The following GRID2 variants were observed in gnomAD, a reference collection of about 807,000 sequenced individuals.
GRID2 encodes the protein glutamate ionotropic receptor delta type subunit 2, also known as glutamate receptor ionotropic, delta-2.
In GRID2, 33 loss-of-function variants were observed where a neutral mutation model predicts 114.8. That is an observed-to-expected ratio of 0.29 (90% confidence interval 0.22 to 0.38). The LOEUF is 0.38. Ranked by LOEUF, GRID2 falls within the 10% of genes least tolerant of loss-of-function variation. The pLI is 1.00. For synonymous variants in GRID2, 505 were observed against 449.9 expected (o/e 1.12, Z -1.55); for missense variants, 1,184 against 1,257.7 (o/e 0.94, Z 0.89).
Position 93,528,206 on chromosome 4 carries a change from G to C in GRID2, c.2193+12795G>C, listed in dbSNP as rs1216148329. ...CACACACATATATATCCTGCATTTT[G>C]TTTATCTGTTCATTATCAACAGACA... On this transcript the variant is annotated intron_variant, in intron 13 of 15. Transcript: ENST00000282020. 3.3e-5 allele frequency among the ~76,000 whole-genome samples: 5 copies of C among 151,370 alleles called. No individual in the cohort carries two copies. The East Asian group carries it at 9.7e-4, about 29-fold the overall frequency.
chr4:93,646,906 G>T (rs1373061800), intron 14 of GRID2, among the ~76,000 whole-genome samples: 1 of 152,186 alleles, frequency 6.6e-6, no homozygotes, highest in African/African-American at 2.4e-5. Context: ...GGTCAAGCAT[G>T]AACCCAAAGT....
chr4:93,417,814 C>A (rs1767871363), intron 9 of GRID2, among the ~76,000 whole-genome samples: 1 of 151,376 alleles, frequency 6.6e-6, no homozygotes, highest in South Asian at 2.1e-4. Flanking sequence ...TTTAGTATTC[C>A]ACTGCATCAA....
chr4:93,681,800 C>A (rs1046830523), intron 14 of GRID2, among the ~76,000 whole-genome samples: 7 of 152,086 alleles, frequency 4.6e-5, no homozygotes, highest in Admixed American at 3.3e-4. Context: ...TAAAGACTTA[C>A]ATGTTAGACC....
intron 2 of GRID2, among the ~76,000 whole-genome samples, chr4:92,806,061 T>C (rs965606876): frequency 1.8e-4 from 27 of 151,946 alleles, no homozygotes; most frequent in African/African-American, 5.8e-4. Context: ...ACAATATTTC[T>C]CTCAAACATC....
rs1419959895 is a variant in GRID2, at chr4:93,656,755, G to A, written c.2360+30320G>A. ...TGAGGCAGGAGAATGCCGTGAACCC[G>A]GGAGGCAGAGCTTGCCGTGAGCCGA... On this transcript the variant is annotated intron_variant, in intron 14 of 15. Transcript: ENST00000282020. 4.7e-5 allele frequency among the ~76,000 whole-genome samples: 6 copies of A among 128,724 alleles called. 1 individual carries two copies. Among genetic ancestry groups the A allele is most frequent in the South Asian group, 2.7e-4 (1 of 3,728 alleles). The allele number at this position is 128,724 out of a possible 152,430, so 84.4% of individuals were successfully genotyped here.
At chr4:93,393,045 G>A (rs1195305373) in intron 8 of GRID2, among the ~76,000 whole-genome samples, 1 of 151,816 alleles carries the variant, frequency 6.6e-6, no homozygotes, top group South Asian at 2.1e-4. Context: ...TAGGAAATAA[G>A]TATTATTTTA....
intron 1 of GRID2, among the ~76,000 whole-genome samples, chr4:92,353,999 C>G (rs140173967): frequency 9.1e-4 from 138 of 152,086 alleles, no homozygotes; most frequent in Admixed American, 2.0e-3. Flanking sequence ...TCAAGAAATG[C>G]CGAAACTTTT....
chr4:92,964,021 G>A (rs777702296), intron 2 of GRID2, among the ~76,000 whole-genome samples: 6 of 151,988 alleles, frequency 3.9e-5, no homozygotes, highest in Admixed American at 1.3e-4. Flanking sequence ...GCACCAGTTC[G>A]CAGCAGTGGC....
intron 2 of GRID2, among the ~76,000 whole-genome samples, chr4:92,706,697 A>G (rs1251341002): frequency 6.6e-6 from 1 of 152,210 alleles, no homozygotes; most frequent in African/African-American, 2.4e-5. Flanking sequence ...TCAGAGCTCA[A>G]TAGGAAAACC....
intron 2 of GRID2, among the ~76,000 whole-genome samples, chr4:92,907,831 C>A (rs541483064): frequency 6.6e-6 from 1 of 152,078 alleles, no homozygotes; most frequent in Non-Finnish European, 1.5e-5. Flanking sequence ...CGAGACCAGC[C>A]TGACCAACAT....
At position 92,687,388 on chromosome 4, in the gene GRID2, C is replaced by T. The variant is rs190071399; in HGVS notation, c.244+97102C>T. On this transcript the variant is annotated intron_variant, in intron 2 of 15. Coordinates refer to ENST00000282020, the MANE Select transcript of GRID2 (RefSeq NM_001510.4). ...ATATTGAAGATTTGATTCCATACCACCACAATAAAGTAACTATTGCAATAA... is the reference window on the plus strand; with the variant it reads ...ATATTGAAGATTTGATTCCATACCATCACAATAAAGTAACTATTGCAATAA... 2.6e-5 allele frequency among the ~76,000 whole-genome samples: 4 copies of T among 152,112 alleles called. No homozygotes were observed. The East Asian group carries it at 5.8e-4, about 22-fold the overall frequency.
At chr4:93,135,735 A>G (rs1027420986) in intron 4 of GRID2, among the ~76,000 whole-genome samples, 2 of 152,196 alleles carry the variant, frequency 1.3e-5, no homozygotes, top group African/African-American at 4.8e-5. Flanking sequence ...CAGTGGCATC[A>G]GGAAAATATT....
intron 1 of GRID2, among the ~76,000 whole-genome samples, chr4:92,486,542 C>G (rs1009530072): frequency 7.7e-6 from 1 of 130,174 alleles, no homozygotes; most frequent in Non-Finnish European, 1.6e-5. Context: ...AAATCTCTCT[C>G]TCTTTCACAC....
chr4:92,505,314 C>T (rs1255973564), intron 1 of GRID2, among the ~76,000 whole-genome samples: 1 of 151,964 alleles, frequency 6.6e-6, no homozygotes, highest in Non-Finnish European at 1.5e-5. Context: ...GATTAAATGG[C>T]AACTTTCTAC....
chr4:92,487,934 A>C (rs1250702184), intron 1 of GRID2, among the ~76,000 whole-genome samples: 3 of 152,124 alleles, frequency 2.0e-5, no homozygotes, highest in African/African-American at 7.2e-5. Flanking sequence ...ATAACATTTG[A>C]TATTGCCCTA....
intron 4 of GRID2, among the ~76,000 whole-genome samples, chr4:93,147,515 C>T (rs1736376365): frequency 6.6e-6 from 1 of 152,042 alleles, no homozygotes; most frequent in Non-Finnish European, 1.5e-5. Context: ...AATAGTGAAA[C>T]TAGAAATGTG....
intron 1 of GRID2, among the ~76,000 whole-genome samples, chr4:92,543,076 G>T (rs1422568213): frequency 6.6e-6 from 1 of 152,128 alleles, no homozygotes; most frequent in Admixed American, 6.6e-5. Context: ...AAAGTGCAAG[G>T]TATTCTGTCA....
intron 2 of GRID2, among the ~76,000 whole-genome samples, chr4:92,955,574 C>T (rs1752341852): frequency 6.6e-6 from 1 of 152,042 alleles, no homozygotes; most frequent in East Asian, 1.9e-4. Context: ...GTTGCCTGTT[C>T]TCTCTGATGG....
chr4:92,954,241 A>G (rs1285962758), intron 2 of GRID2, among the ~76,000 whole-genome samples: 1 of 152,016 alleles, frequency 6.6e-6, no homozygotes, highest in Non-Finnish European at 1.5e-5. Context: ...ACACATATAT[A>G]TATACAAACA....
Sources: gnomAD v4.1 joint callset for allele counts (sites outside exome capture counted in the v4.1 genomes callset) on GRCh38, gnomAD v4.1.1 for gene constraint, MANE v1.5 for transcripts, NCBI Gene and HGNC (gene_info 2026-07-23, HGNC 2026-07-21) for gene names.